Variants in CACNA1C observed in about 807,000 individuals in gnomAD.
The protein encoded by CACNA1C is calcium voltage-gated channel subunit alpha1 C.
CACNA1C carries 30 observed loss-of-function variants against 229.0 expected under a neutral mutation model. That is an observed-to-expected ratio of 0.13 (90% CI 0.10 to 0.18). The LOEUF (loss-of-function observed/expected upper bound fraction) is 0.18. Among genes scored for constraint, CACNA1C ranks in the 10% least tolerant of loss-of-function variants. CACNA1C has a pLI of 1.00. For missense variants in CACNA1C, 1,658 were observed against 2,845.0 expected (o/e 0.58, Z 9.49); for synonymous variants, 1,114 against 1,132.5 (o/e 0.98, Z 0.33).
At chr12:2,509,131 G>A (rs1273846099) in intron 8 of CACNA1C, among the ~76,000 whole-genome samples, 2 of 152,154 alleles carry the variant, frequency 1.3e-5, no homozygotes, top group African/African-American at 4.8e-5. Flanking sequence ...CTGGGAGATG[G>A]GCATGTCTTG....
At chr12:2,453,209 T>C (rs2099394629) in intron 4 of CACNA1C, among the ~76,000 whole-genome samples, 1 of 152,058 alleles carries the variant, frequency 6.6e-6, no homozygotes, top group Non-Finnish European at 1.5e-5. Context: ...GGGGCCTCCA[T>C]GGAGCGTTTC....
intron 3 of CACNA1C, among the ~76,000 whole-genome samples, chr12:2,393,906 G>C (rs773214774): frequency 2.6e-5 from 4 of 152,096 alleles, no homozygotes; most frequent in Admixed American, 1.3e-4. Flanking sequence ...AGGAGTTCAA[G>C]ACCAGCCCGG....
Position 2,346,523 on chromosome 12 carries a change from G to A in CACNA1C, c.478-102453G>A, listed in dbSNP as rs1353681160. Among the ~76,000 whole-genome samples, 3 of 152,090 alleles carry A rather than the reference G, an allele frequency of 2.0e-5. No individual in the cohort carries two copies. Among genetic ancestry groups the A allele is most frequent in the Non-Finnish European group, 4.4e-5 (3 of 68,030 alleles). ...GCTATGTTTTAAATTTTGGGCCCCAGGAAGAGAGTTGCCCCTGTGTTAGGA... is the reference window on the plus strand; with the variant it reads ...GCTATGTTTTAAATTTTGGGCCCCAAGAAGAGAGTTGCCCCTGTGTTAGGA... On this transcript the variant is annotated intron_variant, in intron 3 of 46. Coordinates refer to ENST00000399655, the MANE Select transcript of CACNA1C (RefSeq NM_000719.7). This position sits in a 1 kb window ranked among gnomAD's most constrained non-coding sequence, Gnocchi z 4.4.
rs911265682 is a variant in CACNA1C, at chr12:2,054,699, C to T, written c.49+1088C>T. Among the ~76,000 whole-genome samples, 1 of 152,194 alleles carries T rather than the reference C, an allele frequency of 6.6e-6. No homozygotes were observed. Among genetic ancestry groups the T allele is most frequent in the African/African-American group, 2.4e-5 (1 of 41,440 alleles). On this transcript the variant is annotated intron_variant, in intron 1 of 46. Coordinates refer to ENST00000399655, the MANE Select transcript of CACNA1C (RefSeq NM_000719.7). This position sits in a 1 kb window ranked among gnomAD's most constrained non-coding sequence, Gnocchi z 5.5. ...CAACCTCCAGGCATGACATCTCTTT[C>T]TTCTCGCCACTGCTCTGTCTCTTTG... is the stretch of plus-strand genomic sequence containing the variant.
chr12:2,627,488 C>G (rs2087483905), intron 29 of CACNA1C, among the ~76,000 whole-genome samples: 2 of 152,118 alleles, frequency 1.3e-5, no homozygotes, highest in Non-Finnish European at 2.9e-5. Context: ...TCATTCGGCT[C>G]TCATCATTTC....
intron 3 of CACNA1C, among the ~76,000 whole-genome samples, chr12:2,416,472 C>T (rs369463909): frequency 2.6e-5 from 4 of 152,256 alleles, no homozygotes; most frequent in South Asian, 4.1e-4. Flanking sequence ...TAAGTTTTAA[C>T]CCAATAGGGT....
intron 3 of CACNA1C, among the ~76,000 whole-genome samples, chr12:2,436,619 T>C (rs2099137283): frequency 2.6e-5 from 4 of 152,320 alleles, no homozygotes; most frequent in Middle Eastern, 3.4e-3. Flanking sequence ...TCTTCCAGTG[T>C]CTGCACGCTA....
chr12:2,258,975 A>T (rs79091024), intron 3 of CACNA1C, among the ~76,000 whole-genome samples: 10,245 of 152,296 alleles, frequency 0.067, 501 homozygotes, highest in African/African-American at 0.13. Flanking sequence ...TTCCAAAAAT[A>T]GATGAGGGAG....
At chr12:2,252,679 C>A (rs911394946) in intron 3 of CACNA1C, among the ~76,000 whole-genome samples, 9 of 152,152 alleles carry the variant, frequency 5.9e-5, no homozygotes, top group African/African-American at 1.9e-4. Flanking sequence ...AGAGCAAATT[C>A]CAGATCAGAT....
intron 1 of CACNA1C, among the ~76,000 whole-genome samples, chr12:2,013,846 G>C (rs1158588152): frequency 6.6e-6 from 1 of 152,172 alleles, no homozygotes. Flanking sequence ...TGCTGAAAGA[G>C]CTCTTAGAAA....
intron 3 of CACNA1C, among the ~76,000 whole-genome samples, chr12:2,225,037 A>C (rs1047480922): frequency 6.6e-6 from 1 of 152,164 alleles, no homozygotes; most frequent in African/African-American, 2.4e-5. Flanking sequence ...CTCTAAACTT[A>C]AGAGTGTGAA....
chr12:2,408,180 C>T lies in CACNA1C; in HGVS notation c.478-40796C>T, dbSNP rs541130618. Among the ~76,000 whole-genome samples the T allele has an allele frequency of 9.2e-5, 14 of 152,300 alleles. No homozygotes were observed. In the South Asian group the frequency reaches 1.0e-3, roughly 11 times the overall value. ...TACATGGTTCCACTTACGTGAGGTA[C>T]CCAGACTAGGCAAATTCACAGAGAC... is the stretch of plus-strand genomic sequence containing the variant. On this transcript the variant is annotated intron_variant, in intron 3 of 46. Transcript: ENST00000399655.
At chr12:2,656,966 T>C (rs2095455203) in intron 34 of CACNA1C, among the ~76,000 whole-genome samples, 1 of 152,158 alleles carries the variant, frequency 6.6e-6, no homozygotes, top group East Asian at 1.9e-4. Context: ...TGTTCAAAAT[T>C]ATGAGGAAAA....
intron 3 of CACNA1C, among the ~76,000 whole-genome samples, chr12:2,397,034 C>G (rs2098596962): frequency 6.6e-6 from 1 of 152,246 alleles, no homozygotes; most frequent in Non-Finnish European, 1.5e-5. Flanking sequence ...GTTCACCAAC[C>G]TGTTTTCATA....
rs1225701600 is a variant in CACNA1C, at chr12:2,677,756, C to T, written c.4980C>T (p.Asp1660=). The T allele has an allele frequency of 1.2e-6, 2 of 1,613,684 alleles. No homozygotes were observed. The highest frequency in any genetic ancestry group is 1.3e-5 in the African/African-American group (1 of 74,942). Residue 1660 remains aspartate (D), a synonymous_variant, in exon 41 of 47, where the codon GAC becomes GAT. Transcript: ENST00000399655. This position sits in a 1 kb window ranked among gnomAD's most constrained non-coding sequence, Gnocchi z 7.4. ...AGGCTGGCTTGCGCACACTGCATGA[C>T]ATCGGGCCTGAGATCCGACGGGCCA... ...SLQAGLRTLH[D]IGPEIRRAIS... is the part of the protein sequence containing the mutation.
At chr12:2,191,318 T>C (rs2097203901) in intron 3 of CACNA1C, among the ~76,000 whole-genome samples, 1 of 152,138 alleles carries the variant, frequency 6.6e-6, no homozygotes. Context: ...GGCTCTGGGC[T>C]TGGTCCTTAG....
At chr12:2,603,223 C>G (rs1438704876) in intron 22 of CACNA1C, 2 of 152,190 alleles carry the variant, frequency 1.3e-5, no homozygotes, top group Non-Finnish European at 2.9e-5. Context: ...CTGTGTTTTT[C>G]CCATCTGACC....
intron 3 of CACNA1C, among the ~76,000 whole-genome samples, chr12:2,167,508 A>G (rs2096287277): frequency 6.6e-6 from 1 of 152,190 alleles, no homozygotes; most frequent in Admixed American, 6.5e-5. Context: ...TTATTTTAGC[A>G]GGCATTTAAT....
At chr12:2,482,191 G>A (rs1208446885) in intron 5 of CACNA1C, among the ~76,000 whole-genome samples, 8 of 152,260 alleles carry the variant, frequency 5.3e-5, no homozygotes, top group Admixed American at 5.2e-4. Flanking sequence ...GCAGATGGAA[G>A]CGAGAGCCTT....
Sources: gnomAD v4.1 joint callset for allele counts (sites outside exome capture counted in the v4.1 genomes callset) on GRCh38, gnomAD v4.1.1 for gene constraint, Gnocchi (gnomAD v3.1) non-coding constraint, MANE v1.5 for transcripts, NCBI Gene and HGNC (gene_info 2026-07-23, HGNC 2026-07-21) for gene names.